PTPRD: variants seen among roughly 807,000 people sequenced by gnomAD.
PTPRD encodes protein tyrosine phosphatase receptor type D, also known as receptor-type tyrosine-protein phosphatase delta.
In PTPRD, 34 loss-of-function variants were observed where a neutral mutation model predicts 214.5. That is an observed-to-expected ratio of 0.16 (90% CI 0.12 to 0.21). The LOEUF is 0.21. Ranked by LOEUF, PTPRD falls within the 10% of genes least tolerant of loss-of-function variation. PTPRD has a pLI of 1.00. For missense variants in PTPRD, 2,545 were observed against 2,398.7 expected (o/e 1.06, Z -1.27); for synonymous variants, 1,128 against 845.7 (o/e 1.33, Z -5.79).
At chr9:9,448,732 G>T (rs934486872) in intron 8 of PTPRD, among the ~76,000 whole-genome samples, 7 of 152,002 alleles carry the variant, frequency 4.6e-5, no homozygotes, top group Non-Finnish European at 1.0e-4. Flanking sequence ...TTAAGACCAG[G>T]TCAGCCTACA....
At chr9:10,494,583 G>A (rs2041448950) in intron 2 of PTPRD, among the ~76,000 whole-genome samples, 1 of 148,800 alleles carries the variant, frequency 6.7e-6, no homozygotes, top group South Asian at 2.1e-4. Context: ...TTTACCTGCT[G>A]TATGTAAGGG....
chr9:9,266,346 T>A (rs1427485425), intron 9 of PTPRD, among the ~76,000 whole-genome samples: 6 of 151,086 alleles, frequency 4.0e-5, no homozygotes, highest in African/African-American at 1.5e-4. Context: ...AATAAATAGA[T>A]CACCCAGACA....
At position 9,352,353 on chromosome 9, in the gene PTPRD, G is replaced by GTA. The variant is rs1167624797; in HGVS notation, c.-203+45094_-203+45095dup. 3.9e-3 allele frequency among the ~76,000 whole-genome samples: 508 copies of GTA among 130,088 alleles called. 7 individuals carry two copies. Among genetic ancestry groups the GTA allele is most frequent in the African/African-American group, 0.012 (472 of 38,792 alleles). The allele number at this position is 130,088 out of a possible 152,430, so 85.3% of individuals were successfully genotyped here. A position where few individuals can be genotyped will look rare whatever the true frequency, so the allele number is the denominator to read the frequency against. ...TGTGTGTGTGTGTGTGTGTGTGTGT[G>GTA]TATATATGTGTGTGTGTGTATATAT... is the stretch of plus-strand genomic sequence containing the variant. On this transcript the variant is annotated intron_variant, in intron 9 of 45. Coordinates refer to ENST00000381196, the MANE Select transcript of PTPRD (RefSeq NM_002839.4).
chr9:10,143,600 C>T (rs1253260526), intron 3 of PTPRD, among the ~76,000 whole-genome samples: 1 of 152,010 alleles, frequency 6.6e-6, no homozygotes, highest in Non-Finnish European at 1.5e-5. Flanking sequence ...AAAGTCATAT[C>T]CACTTGTATG....
At chr9:8,845,862 C>T (rs1481695880) in intron 11 of PTPRD, among the ~76,000 whole-genome samples, 1 of 152,184 alleles carries the variant, frequency 6.6e-6, no homozygotes, top group East Asian at 1.9e-4. Flanking sequence ...TACCATTAGT[C>T]TCTGTTAGGG....
chr9:9,696,356 T>C (rs2097373584), intron 7 of PTPRD, among the ~76,000 whole-genome samples: 1 of 152,162 alleles, frequency 6.6e-6, no homozygotes. Context: ...TGTTTCTTCA[T>C]TGACCTTCTG....
At chr9:9,411,370 A>G (rs11999849) in intron 8 of PTPRD, among the ~76,000 whole-genome samples, 43,401 of 151,528 alleles carry the variant, frequency 0.29, 6,720 homozygotes, top group East Asian at 0.45. Flanking sequence ...ATCCTAAGCT[A>G]GCAAACTATG....
In PTPRD at chr9:8,925,669, G is replaced by A. The variant is rs115370910; in HGVS notation, c.-104+93028C>T. Among the ~76,000 whole-genome samples the A allele has an allele frequency of 5.3e-3, 760 of 142,220 alleles. 7 individuals carry two copies. The highest frequency in any genetic ancestry group is 0.019 in the African/African-American group (733 of 37,942). 93.3% of individuals were successfully genotyped at this position (142,220 alleles called of 152,430 possible). On this transcript the variant is annotated intron_variant, in intron 11 of 45. Transcript: ENST00000381196. ...AACGTGATATAAATAGTCTAAGCCA[G>A]TATCTTGGATGCCATCCTCAACTTT...
At chr9:9,669,566 AATG>A (rs1183708736) in intron 7 of PTPRD, among the ~76,000 whole-genome samples, 3 of 152,294 alleles carry the variant, frequency 2.0e-5, no homozygotes, top group Non-Finnish European at 4.4e-5. Context: ...AGTATTGAAA[AATG>A]ATGTTTTTAA....
chr9:10,573,635 G>T (rs1272503327), intron 2 of PTPRD, among the ~76,000 whole-genome samples: 1 of 152,126 alleles, frequency 6.6e-6, no homozygotes, highest in East Asian at 1.9e-4. Flanking sequence ...AGGCTGAAGG[G>T]GGAGGAAGCT....
At chr9:8,360,191 G>A (rs555950642) in intron 39 of PTPRD, among the ~76,000 whole-genome samples, 5 of 152,086 alleles carry the variant, frequency 3.3e-5, no homozygotes, top group Admixed American at 6.5e-5. Context: ...TTTGTGTCCC[G>A]TCATAGCCAA....
At chr9:10,525,744 G>T (rs1262633069) in intron 2 of PTPRD, among the ~76,000 whole-genome samples, 1 of 151,688 alleles carries the variant, frequency 6.6e-6, no homozygotes, top group East Asian at 1.9e-4. Context: ...GTGTGTGTGT[G>T]TGTGTGTGTG....
chr9:8,806,257 G>A (rs934758115), intron 11 of PTPRD, among the ~76,000 whole-genome samples: 1 of 150,600 alleles, frequency 6.6e-6, no homozygotes, highest in East Asian at 2.0e-4. Flanking sequence ...TGGGGCGGGG[G>A]GGGGATTTTT....
chr9:8,532,355 C>T (rs1341851106), intron 14 of PTPRD, among the ~76,000 whole-genome samples: 2 of 151,982 alleles, frequency 1.3e-5, no homozygotes, highest in Non-Finnish European at 2.9e-5. Flanking sequence ...CTTTTTTCTT[C>T]ACCTTCCACA....
At chr9:8,794,703 G>C (rs543957113) in intron 11 of PTPRD, among the ~76,000 whole-genome samples, 1 of 152,048 alleles carries the variant, frequency 6.6e-6, no homozygotes, top group East Asian at 1.9e-4. Context: ...AAATTACAGA[G>C]TTGTCTTGGT....
At chr9:8,974,620 C>T (rs745574596) in intron 11 of PTPRD, among the ~76,000 whole-genome samples, 1 of 152,010 alleles carries the variant, frequency 6.6e-6, no homozygotes, top group African/African-American at 2.4e-5. Context: ...ACTGGATTAT[C>T]TGAATTGACC....
intron 10 of PTPRD, among the ~76,000 whole-genome samples, chr9:9,063,264 G>C (rs1016184906): frequency 6.6e-6 from 1 of 152,128 alleles, no homozygotes; most frequent in Non-Finnish European, 1.5e-5. Flanking sequence ...ATGGCTTCCA[G>C]TACTAACATT....
At chr9:8,735,718 T>G (rs979552248) in intron 11 of PTPRD, among the ~76,000 whole-genome samples, 1 of 151,984 alleles carries the variant, frequency 6.6e-6, no homozygotes, top group Non-Finnish European at 1.5e-5. Context: ...AAGACCAGCC[T>G]GGCCAACATG....
At chr9:8,585,737 A>C (rs2093602026) in intron 14 of PTPRD, among the ~76,000 whole-genome samples, 1 of 152,218 alleles carries the variant, frequency 6.6e-6, no homozygotes. Flanking sequence ...TTCTGAGTGA[A>C]ATTTACAATT....
Sources: allele counts gnomAD v4.1 joint callset (sites outside exome capture counted in the v4.1 genomes callset), GRCh38; gene constraint gnomAD v4.1.1; transcripts MANE v1.5; gene names NCBI Gene and HGNC (gene_info 2026-07-23, HGNC 2026-07-21).